Variants in RIN3 observed in about 807,000 individuals in gnomAD.
RIN3 encodes Ras and Rab interactor 3.
RIN3 carries 54 observed loss-of-function variants against 76.3 expected under a neutral mutation model. The ratio of observed to expected loss-of-function variants is 0.71; its 90% CI spans 0.57 to 0.89. The LOEUF is 0.89. RIN3 is among the 40% of genes least tolerant of loss of function. The probability of loss-of-function intolerance (pLI) is 0.00; values close to 1 mark genes in which losing one functional copy is unlikely to be tolerated. For missense variants in RIN3, 1,256 were observed against 1,322.1 expected (o/e 0.95, Z 0.78); for synonymous variants, 576 against 564.0 (o/e 1.02, Z -0.30).
Position 92,555,731 on chromosome 14 carries a change from C to T in RIN3, c.45-20C>T. ...CTGGGCTGGCTGCAGGATAGCTGATCATTGAATTCTGTTTTTCAGTCCGGT... is the reference window on the plus strand; with the variant it reads ...CTGGGCTGGCTGCAGGATAGCTGATTATTGAATTCTGTTTTTCAGTCCGGT... On this transcript the variant is annotated intron_variant, in intron 1 of 9. Transcript: ENST00000216487. The T allele has an allele frequency of 6.2e-7, 1 of 1,612,710 alleles. No individual in the cohort carries two copies. The highest frequency in any genetic ancestry group is 1.1e-5 in the South Asian group (1 of 91,006).
Position 92,688,216 on chromosome 14 carries a change from G to A in RIN3, c.2922G>A (p.Pro974=), listed in dbSNP as rs767719783. 2 of 1,601,814 alleles carry A rather than the reference G, an allele frequency of 1.2e-6. No individual in the cohort carries two copies. Among genetic ancestry groups the A allele is most frequent in the East Asian group, 2.2e-5 (1 of 44,584 alleles). Residue 974 remains proline (P), a synonymous_variant, in exon 10 of 10, where the codon CCG becomes CCA. Coordinates refer to ENST00000216487, the MANE Select transcript of RIN3 (RefSeq NM_024832.5). ...DGGGGGGGGS[P]PCLVVREPNF... is the part of the protein sequence containing the mutation. The stretch of plus-strand genomic sequence containing the variant: ...GTGGCGGCGGCGGCGGCGGGAGCCC[G>A]CCCTGCCTGGTGGTGCGGGAGCCCA...
chr14:92,550,774 A>G (rs1897402224), intron 1 of RIN3, among the ~76,000 whole-genome samples: 1 of 152,220 alleles, frequency 6.6e-6, no homozygotes, highest in Non-Finnish European at 1.5e-5. Context: ...TAAAGTATTA[A>G]TAACTGGCCA....
intron 7 of RIN3, among the ~76,000 whole-genome samples, chr14:92,667,803 C>A (rs1888161752): frequency 6.6e-6 from 1 of 152,128 alleles, no homozygotes. Flanking sequence ...TCCATATGGT[C>A]ATTCAGGGAT....
chr14:92,613,690 G>A (rs776309986), intron 3 of RIN3, among the ~76,000 whole-genome samples: 6 of 152,158 alleles, frequency 3.9e-5, no homozygotes, highest in Non-Finnish European at 7.4e-5. Flanking sequence ...CCCTTTACAG[G>A]TGGAAGGACA....
At chr14:92,548,810 G>T (rs1897344760) in intron 1 of RIN3, among the ~76,000 whole-genome samples, 2 of 151,514 alleles carry the variant, frequency 1.3e-5, no homozygotes, top group Admixed American at 1.3e-4. Context: ...TCCAAATAAG[G>T]TCACATGTAC....
At chr14:92,534,304 G>T (rs1896946573) in intron 1 of RIN3, among the ~76,000 whole-genome samples, 2 of 151,022 alleles carry the variant, frequency 1.3e-5, no homozygotes, top group Admixed American at 6.6e-5. Context: ...ATGGGGCTGG[G>T]CGTGGTGGCT....
chr14:92,593,876 C>T lies in RIN3; in HGVS notation c.367+16399C>T, dbSNP rs548245743. On this transcript the variant is annotated intron_variant, in intron 3 of 9. Transcript: ENST00000216487. Reference sequence around the variant, plus strand: ...ATACTTAAGGCAAAAGCTGATGGAACTACAAGGAGAAATAGATTAATCTAC... The same window carrying T: ...ATACTTAAGGCAAAAGCTGATGGAATTACAAGGAGAAATAGATTAATCTAC... Among the ~76,000 whole-genome samples the T allele has an allele frequency of 1.2e-3, 177 of 152,212 alleles. 3 individuals carry two copies. The South Asian group carries it at 0.022, about 19-fold the overall frequency.
In RIN3 at chr14:92,534,274, C is replaced by T. The variant is rs1031970173; in HGVS notation, c.44+20298C>T. Among the ~76,000 whole-genome samples the T allele has an allele frequency of 1.5e-3, 193 of 130,140 alleles. 1 individual carries two copies. Among genetic ancestry groups the T allele is most frequent in the Non-Finnish European group, 2.4e-3 (153 of 63,582 alleles). The allele number at this position is 130,140 out of a possible 152,430, so 85.4% of individuals were successfully genotyped here. ...TTTTTTTTTTTTACAGATGGGGAAA[C>T]TTAGGCTCATAGAAAGTAAATGGGG... On this transcript the variant is annotated intron_variant, in intron 1 of 9. Transcript: ENST00000216487.
chr14:92,577,510 C>T (rs1898283264), intron 3 of RIN3, 33 bp downstream of exon 3: 3 of 1,396,048 alleles, frequency 2.1e-6, no homozygotes, highest in African/African-American at 1.4e-5. Flanking sequence ...TTCACTTTGA[C>T]CACGCGGCAG....
chr14:92,568,605 C>T lies in RIN3; in HGVS notation c.250-8755C>T, dbSNP rs114318613. The stretch of plus-strand genomic sequence containing the variant: ...ACAGACCTGGGCTCTGCCCACAGCA[C>T]GTACCTGTCAGTGTCACCCTCACCC... On this transcript the variant is annotated intron_variant, in intron 2 of 9. Transcript: ENST00000216487. The surrounding 1 kb of genome is among the most constrained non-coding windows in gnomAD (Gnocchi z 4.2). Among the ~76,000 whole-genome samples, 470 of 152,318 alleles carry T rather than the reference C, an allele frequency of 3.1e-3. 2 individuals are homozygous for T. The highest frequency in any genetic ancestry group is 0.01 in the African/African-American group (436 of 41,552).
chr14:92,633,369 C>G (rs1293245525), intron 4 of RIN3, among the ~76,000 whole-genome samples: 1 of 152,174 alleles, frequency 6.6e-6, no homozygotes, highest in African/African-American at 2.4e-5. Context: ...AGAGAAGAGC[C>G]TCTCAGGCCT....
At chr14:92,654,135 G>A (rs1355210925) in intron 6 of RIN3, among the ~76,000 whole-genome samples, 2 of 151,848 alleles carry the variant, frequency 1.3e-5, no homozygotes, top group African/African-American at 4.8e-5. Flanking sequence ...CCAACATGGT[G>A]AAACCCCATC....
intron 7 of RIN3, among the ~76,000 whole-genome samples, chr14:92,664,833 T>C (rs1595496586): frequency 6.6e-6 from 1 of 152,220 alleles, no homozygotes; most frequent in East Asian, 1.9e-4. Context: ...GGTGGAGTTG[T>C]CCGTTGCATA....
intron 1 of RIN3, among the ~76,000 whole-genome samples, chr14:92,547,504 C>T (rs1322215835): frequency 6.7e-6 from 1 of 150,178 alleles, no homozygotes; most frequent in Non-Finnish European, 1.5e-5. Flanking sequence ...AAGCGATCCT[C>T]CTGCCTCAGC....
Position 92,670,040 on chromosome 14 carries a change from T to C in RIN3, c.2336-6435T>C, listed in dbSNP as rs118056064. Among the ~76,000 whole-genome samples, 691 of 150,428 alleles carry C rather than the reference T, an allele frequency of 4.6e-3. 30 individuals are homozygous for C. The South Asian group carries it at 0.091, about 20-fold the overall frequency. On this transcript the variant is annotated intron_variant, in intron 7 of 9. Transcript: ENST00000216487. ...CCTCCAGAGTAGCAGGGACTACAGA[T>C]GCATGCCACCAGACCCAGCTGATTT...
intron 1 of RIN3, among the ~76,000 whole-genome samples, chr14:92,519,112 TG>T (rs1427342924): frequency 6.6e-6 from 1 of 152,058 alleles, no homozygotes; most frequent in Non-Finnish European, 1.5e-5. Flanking sequence ...CGGAAGCTGG[TG>T]TCCTAGAGTA....
At chr14:92,615,363 G>A in intron 3 of RIN3, 44 bp from the exon 4 acceptor site, 2 of 1,556,158 alleles carry the variant, frequency 1.3e-6, no homozygotes, top group Non-Finnish European at 1.8e-6. Context: ...ATTTTCCTTG[G>A]CAGGATACTC....
rs529709547 is a variant in RIN3, at chr14:92,681,316, C to T, written c.2468-3671C>T. 2.4e-4 allele frequency among the ~76,000 whole-genome samples: 29 copies of T among 119,226 alleles called. No individual in the cohort carries two copies. The highest frequency in any genetic ancestry group is 1.9e-3 in the Admixed American group (23 of 11,800). The allele number at this position is 119,226 out of a possible 152,430, so 78.2% of individuals were successfully genotyped here. A position where few individuals can be genotyped will look rare whatever the true frequency, so the allele number is the denominator to read the frequency against. ...AAGGCTGGCAGAGAGAGAGGCCTCA[C>T]GAAGAAGTCAGACTCCAGCACCAAG... On this transcript the variant is annotated intron_variant, in intron 8 of 9. Coordinates refer to ENST00000216487, the MANE Select transcript of RIN3 (RefSeq NM_024832.5). The surrounding 1 kb of genome is among the most constrained non-coding windows in gnomAD (Gnocchi z 4.7).
chr14:92,547,040 A>G (rs1438740160), intron 1 of RIN3, among the ~76,000 whole-genome samples: 5 of 134,198 alleles, frequency 3.7e-5, no homozygotes, highest in Non-Finnish European at 6.4e-5. Context: ...ATTTTATTTT[A>G]TTTTATTATA....
Sources: allele counts gnomAD v4.1 joint callset (sites outside exome capture counted in the v4.1 genomes callset), GRCh38; gene constraint gnomAD v4.1.1; non-coding constraint Gnocchi (gnomAD v3.1); transcripts MANE v1.5; gene names NCBI Gene and HGNC (gene_info 2026-07-23, HGNC 2026-07-21).